SLC4A4: variants seen among roughly 807,000 people sequenced by gnomAD.
The protein encoded by SLC4A4 is solute carrier family 4 member 4, also known as electrogenic sodium bicarbonate cotransporter 1.
Under a neutral mutation model 111.5 loss-of-function variants are expected in SLC4A4, and 27 were observed. That is an observed-to-expected ratio of 0.24 (90% CI 0.18 to 0.33). SLC4A4 has a LOEUF of 0.33. Ranked by LOEUF, SLC4A4 falls within the 10% of genes least tolerant of loss-of-function variation. SLC4A4 has a pLI of 1.00. For missense variants in SLC4A4, 909 were observed against 1,315.5 expected, an observed-to-expected ratio of 0.69 and a Z score of 4.78; for synonymous variants, 443 against 463.4, an observed-to-expected ratio of 0.96 and a Z score of 0.57.
chr4:71,434,913 A>G (rs1008422638), intron 7 of SLC4A4, among the ~76,000 whole-genome samples: 3 of 152,164 alleles, frequency 2.0e-5, no homozygotes, highest in African/African-American at 7.2e-5. Context: ...GCTCAACGAA[A>G]TAAGAGGACA....
At chr4:71,092,692 T>C (rs1742420454) in intron 1 of SLC4A4, among the ~76,000 whole-genome samples, 1 of 152,258 alleles carries the variant, frequency 6.6e-6, no homozygotes, top group Non-Finnish European at 1.5e-5. Context: ...TTGTATTATT[T>C]GAGATACATC....
chr4:71,470,221 C>T (rs1198463880), intron 13 of SLC4A4, among the ~76,000 whole-genome samples: 1 of 151,932 alleles, frequency 6.6e-6, no homozygotes, highest in Non-Finnish European at 1.5e-5. Context: ...CTCACATAGG[C>T]ATGCATAGGA....
chr4:71,366,453 G>A (rs1198542993), intron 6 of SLC4A4, among the ~76,000 whole-genome samples: 1 of 151,672 alleles, frequency 6.6e-6, no homozygotes, highest in African/African-American at 2.4e-5. Context: ...TGTGGGTCAT[G>A]TAAAACAATA....
At chr4:71,266,465 G>T (rs547913665) in intron 3 of SLC4A4, among the ~76,000 whole-genome samples, 2 of 152,196 alleles carry the variant, frequency 1.3e-5, no homozygotes, top group Admixed American at 1.3e-4. Flanking sequence ...TGAGTATGTG[G>T]TAAGTTTTTA....
chr4:71,466,931 A>AAGAG (rs61128918), intron 13 of SLC4A4, among the ~76,000 whole-genome samples: 276 of 94,814 alleles, frequency 2.9e-3, no homozygotes, highest in African/African-American at 7.9e-3. Context: ...ACAAGACGGG[A>AAGAG]AGAGAGAGAG....
intron 7 of SLC4A4, among the ~76,000 whole-genome samples, chr4:71,399,656 G>T (rs1036135339): frequency 6.6e-6 from 1 of 151,692 alleles, no homozygotes; most frequent in Non-Finnish European, 1.5e-5. Flanking sequence ...GATTAAAAAT[G>T]GTTAGTGGCT....
intron 1 of SLC4A4, among the ~76,000 whole-genome samples, chr4:71,217,381 A>G (rs1718496180): frequency 6.6e-6 from 1 of 152,024 alleles, no homozygotes; most frequent in African/African-American, 2.4e-5. Flanking sequence ...CGTGGCCAAC[A>G]TGGTGAAACC....
intron 15 of SLC4A4, among the ~76,000 whole-genome samples, chr4:71,496,866 A>G (rs945126454): frequency 1.3e-5 from 2 of 152,124 alleles, no homozygotes; most frequent in African/African-American, 4.8e-5. Flanking sequence ...CATACAAAGA[A>G]CAGATGCTCA....
chr4:71,151,627 A>C (rs1439809291), intron 2 of SLC4A4, among the ~76,000 whole-genome samples: 2 of 151,774 alleles, frequency 1.3e-5, no homozygotes, highest in African/African-American at 4.8e-5. Context: ...ATACGTAAAA[A>C]ATATTTCCTG....
At chr4:71,439,473 A>AAATT (rs1724506310) in intron 7 of SLC4A4, among the ~76,000 whole-genome samples, 1 of 130,134 alleles carries the variant, frequency 7.7e-6, no homozygotes, top group African/African-American at 3.0e-5. Context: ...AAAAAAAAAG[A>AAATT]AAAGAAAATC....
chr4:71,124,477 C>T (rs1743513208), intron 2 of SLC4A4, among the ~76,000 whole-genome samples: 1 of 152,154 alleles, frequency 6.6e-6, no homozygotes, highest in Admixed American at 6.5e-5. Context: ...GCCACGCCCA[C>T]ACTTCTAAAA....
intron 6 of SLC4A4, among the ~76,000 whole-genome samples, chr4:71,397,018 C>T (rs1719878458): frequency 6.6e-6 from 1 of 152,086 alleles, no homozygotes; most frequent in Non-Finnish European, 1.5e-5. Flanking sequence ...CATCAGATGC[C>T]CACTAATGAG....
intron 3 of SLC4A4, among the ~76,000 whole-genome samples, chr4:71,335,511 A>G (rs1300841898): frequency 6.6e-6 from 1 of 152,178 alleles, no homozygotes; most frequent in African/African-American, 2.4e-5. Flanking sequence ...GGAACTGTAG[A>G]TTATTTTCTA....
At chr4:71,532,842 C>G (rs1016475213) in intron 17 of SLC4A4, among the ~76,000 whole-genome samples, 1 of 152,118 alleles carries the variant, frequency 6.6e-6, no homozygotes, top group Admixed American at 6.6e-5. Flanking sequence ...GAAGTCTAGT[C>G]TAATACTCTT....
At chr4:71,455,237 A>G (rs1046875775) in intron 12 of SLC4A4, among the ~76,000 whole-genome samples, 26 of 152,204 alleles carry the variant, frequency 1.7e-4, no homozygotes, top group Admixed American at 1.2e-3. Flanking sequence ...GTGCTGGTCA[A>G]AGAACACATA....
chr4:71,249,424 A>C (rs751356602), intron 2 of SLC4A4, among the ~76,000 whole-genome samples: 44 of 152,058 alleles, frequency 2.9e-4, no homozygotes, highest in Non-Finnish European at 3.7e-4. Flanking sequence ...AATTTCATAA[A>C]GGGCTGGTTT....
chr4:71,420,236 G>T (rs1480984056), intron 7 of SLC4A4, among the ~76,000 whole-genome samples: 1 of 152,218 alleles, frequency 6.6e-6, no homozygotes, highest in African/African-American at 2.4e-5. Context: ...AAGGGTATCA[G>T]TGATGGAAGA....
At chr4:71,368,197 C>A (rs1489737946) in intron 6 of SLC4A4, among the ~76,000 whole-genome samples, 1 of 152,154 alleles carries the variant, frequency 6.6e-6, no homozygotes, top group South Asian at 2.1e-4. Context: ...ATGAAACTAT[C>A]TTCAGGAAGA....
intron 1 of SLC4A4, among the ~76,000 whole-genome samples, chr4:71,221,979 CCTT>C (rs1013014154): frequency 6.6e-6 from 1 of 152,160 alleles, no homozygotes; most frequent in African/African-American, 2.4e-5. Context: ...CCCAGAAAGA[CCTT>C]CTAAGCAGGT....
Sources: allele counts gnomAD v4.1 joint callset (sites outside exome capture counted in the v4.1 genomes callset), GRCh38; gene constraint gnomAD v4.1.1; transcripts MANE v1.5; gene names NCBI Gene and HGNC (gene_info 2026-07-23, HGNC 2026-07-21).